Variants in PCDH15 observed in about 807,000 individuals in gnomAD.
PCDH15 encodes the protein protocadherin-15.
In PCDH15, 129 loss-of-function variants were observed where a neutral mutation model predicts 178.5. That is an observed-to-expected ratio of 0.72 (90% CI 0.63 to 0.84). PCDH15 has a LOEUF of 0.84. Among genes scored for constraint, PCDH15 ranks in the 40% least tolerant of loss-of-function variants. PCDH15 has a pLI of 0.00. For synonymous variants in PCDH15, 800 were observed against 732.0 expected (o/e 1.09, Z -1.50); for missense variants, 2,230 against 2,099.9 (o/e 1.06, Z -1.21).
intron 2 of PCDH15, among the ~76,000 whole-genome samples, chr10:55,021,889 G>A (rs1210201934): frequency 2.2e-4 from 34 of 151,808 alleles, no homozygotes; most frequent in Admixed American, 2.2e-3. Context: ...TTAACAACCC[G>A]GAAGAACCTG....
intron 2 of PCDH15, among the ~76,000 whole-genome samples, chr10:55,395,512 T>C (rs981198786): frequency 2.6e-5 from 4 of 152,124 alleles, no homozygotes; most frequent in Admixed American, 6.5e-5. Context: ...CTTAAGAAGA[T>C]AAATGGAATA....
intron 2 of PCDH15, among the ~76,000 whole-genome samples, chr10:55,617,710 T>A (rs1454456148): frequency 1.3e-5 from 2 of 152,060 alleles, no homozygotes; most frequent in Non-Finnish European, 2.9e-5. Context: ...TTTATCCTAA[T>A]TATCTGTCTG....
intron 15 of PCDH15, among the ~76,000 whole-genome samples, chr10:54,130,604 C>T (rs2042355203): frequency 6.6e-6 from 1 of 152,114 alleles, no homozygotes; most frequent in Non-Finnish European, 1.5e-5. Context: ...CCATAAAAGG[C>T]CCGTTCTTAA....
rs1362882961 is a variant in PCDH15 at position 53,828,591 on chromosome 10, A to C, written c.4203-18T>G. 1.9e-6 allele frequency: 3 copies of C among 1,538,562 alleles called. No individual in the cohort carries two copies. Among genetic ancestry groups the C allele is most frequent in the African/African-American group, 2.7e-5 (2 of 73,254 alleles). The stretch of plus-strand genomic sequence containing the variant: ...CTTTAAACCTGTTTGGGAAAGCAAG[A>C]GTAAGAAAAATAGAAAGCTACATTA... On this transcript the variant is annotated intron_variant, in intron 30 of 37. Coordinates refer to ENST00000644397, the MANE Select transcript of PCDH15 (RefSeq NM_001384140.1).
At chr10:54,983,267 A>G (rs1283520671) in intron 2 of PCDH15, among the ~76,000 whole-genome samples, 1 of 152,166 alleles carries the variant, frequency 6.6e-6, no homozygotes, top group Non-Finnish European at 1.5e-5. Flanking sequence ...AAATAAGACT[A>G]AGAGAACAAT....
chr10:54,890,042 A>T (rs2131814951), intron 3 of PCDH15, among the ~76,000 whole-genome samples: 1 of 152,090 alleles, frequency 6.6e-6, no homozygotes, highest in East Asian at 1.9e-4. Flanking sequence ...GATTGAGATA[A>T]TACATTTCTT....
At chr10:55,350,982 C>T (rs1844912747) in intron 2 of PCDH15, among the ~76,000 whole-genome samples, 1 of 142,432 alleles carries the variant, frequency 7.0e-6, no homozygotes, top group African/African-American at 2.7e-5. Context: ...TCCTCTTCCT[C>T]TTCCTCCTCC....
At chr10:54,641,649 T>C (rs1477688971) in intron 2 of PCDH15, among the ~76,000 whole-genome samples, 1 of 152,050 alleles carries the variant, frequency 6.6e-6, no homozygotes, top group Non-Finnish European at 1.5e-5. Context: ...TCTTTATCTA[T>C]TTTTCAATCT....
At chr10:54,286,651 AGTCTTG>A (rs2059045922) in intron 8 of PCDH15, among the ~76,000 whole-genome samples, 2 of 152,156 alleles carry the variant, frequency 1.3e-5, no homozygotes, top group Admixed American at 1.3e-4. Context: ...TTTTGAAAGG[AGTCTTG>A]CTCTATTGCT....
chr10:54,260,984 C>T (rs917892056), intron 8 of PCDH15, among the ~76,000 whole-genome samples: 7 of 152,030 alleles, frequency 4.6e-5, no homozygotes, highest in South Asian at 2.1e-4. Flanking sequence ...CAGTAATGAC[C>T]GCTGTTGGTT....
At chr10:54,742,311 G>A (rs1322083701) in intron 1 of PCDH15, among the ~76,000 whole-genome samples, 1 of 151,950 alleles carries the variant, frequency 6.6e-6, no homozygotes, top group Non-Finnish European at 1.5e-5. Context: ...CCTACAGTGT[G>A]TATGGGTAAG....
At chr10:54,351,342 CAG>C (rs957058781) in intron 5 of PCDH15, among the ~76,000 whole-genome samples, 1 of 152,058 alleles carries the variant, frequency 6.6e-6, no homozygotes, top group African/African-American at 2.4e-5. Context: ...TATGCAAAAA[CAG>C]AGTGTTAGTA....
chr10:54,917,056 T>C (rs1451656916), intron 2 of PCDH15, among the ~76,000 whole-genome samples: 1 of 152,094 alleles, frequency 6.6e-6, no homozygotes, highest in Non-Finnish European at 1.5e-5. Context: ...ATGCTGCAGA[T>C]GGAAGAGTGT....
intron 32 of PCDH15, chr10:53,821,836 G>A (rs750975947): frequency 8.7e-6 from 14 of 1,610,714 alleles, no homozygotes; most frequent in East Asian, 2.2e-5. Flanking sequence ...AGGTTTGCCC[G>A]ACTAAAATAA....
chr10:54,173,176 T>G (rs1180320800), intron 13 of PCDH15, among the ~76,000 whole-genome samples: 1 of 152,160 alleles, frequency 6.6e-6, no homozygotes, highest in Non-Finnish European at 1.5e-5. Context: ...AATGTTTAAT[T>G]TGATGATCTA....
intron 2 of PCDH15, among the ~76,000 whole-genome samples, chr10:55,573,618 T>C (rs2132112354): frequency 6.6e-6 from 1 of 152,254 alleles, no homozygotes; most frequent in Middle Eastern, 3.4e-3. Context: ...TTCAAAGCTT[T>C]TGACATTTTA....
At position 54,517,017 on chromosome 10, in the gene PCDH15, T is replaced by C. The variant is rs533186658; in HGVS notation, c.157+10795A>G. On this transcript the variant is annotated intron_variant, in intron 3 of 37. Coordinates refer to ENST00000644397, the MANE Select transcript of PCDH15 (RefSeq NM_001384140.1). ...TTACAGACAAGCAAATGCTGAGAGA[T>C]TTTGTCACCACCAGGCCTGCCCCAA... Among the ~76,000 whole-genome samples, 149 of 151,970 alleles carry C rather than the reference T, an allele frequency of 9.8e-4. 1 individual carries two copies. The highest frequency in any genetic ancestry group is 3.4e-3 in the African/African-American group (140 of 41,428).
chr10:55,185,965 T>C lies in PCDH15; in HGVS notation c.-155-19314A>G, dbSNP rs7911044. Among the ~76,000 whole-genome samples the C allele has an allele frequency of 6.4e-3, 972 of 151,878 alleles. 16 individuals carry two copies. The highest frequency in any genetic ancestry group is 0.022 in the African/African-American group (934 of 41,530). The stretch of plus-strand genomic sequence containing the variant: ...AATATGAAAAAAATAATACTGTTTA[T>C]CCTCTATGTATTAGTATTTGTTTGG... On this transcript the variant is annotated intron_variant, in intron 1 of 5. Transcript: ENST00000458638.
intron 2 of PCDH15, among the ~76,000 whole-genome samples, chr10:54,549,124 T>C (rs2086230175): frequency 6.6e-6 from 1 of 151,928 alleles, no homozygotes; most frequent in Admixed American, 6.6e-5. Context: ...TAATTATAAA[T>C]TAAATAATCC....
Sources: gnomAD v4.1 joint callset for allele counts (sites outside exome capture counted in the v4.1 genomes callset) on GRCh38, gnomAD v4.1.1 for gene constraint, MANE v1.5 for transcripts, NCBI Gene and HGNC (gene_info 2026-07-23, HGNC 2026-07-21) for gene names.